The following TACR3 variants were observed in gnomAD, a reference collection of about 807,000 sequenced individuals.
TACR3 encodes the protein neuromedin-K receptor.
In TACR3, 34 loss-of-function variants were observed where a neutral mutation model predicts 35.0. The observed-to-expected ratio is 0.97, with a 90% confidence interval of 0.74 to 1.30. The LOEUF is 1.30. TACR3 is among the 50% of genes most tolerant of loss of function. The probability of loss-of-function intolerance (pLI) is 0.00; values close to 1 mark genes in which losing one functional copy is unlikely to be tolerated. For synonymous variants in TACR3, 233 were observed against 221.1 expected (o/e 1.05, Z -0.48); for missense variants, 558 against 591.7 (o/e 0.94, Z 0.59).
At chr4:103,630,247 C>A (rs1375133772) in intron 3 of TACR3, among the ~76,000 whole-genome samples, 2 of 152,108 alleles carry the variant, frequency 1.3e-5, no homozygotes, top group East Asian at 3.8e-4. Context: ...AGAATAAAAC[C>A]TAGGCAATAC....
chr4:103,638,235 A>T (rs1725244484), intron 3 of TACR3, among the ~76,000 whole-genome samples: 1 of 151,582 alleles, frequency 6.6e-6, no homozygotes, highest in Non-Finnish European at 1.5e-5. Context: ...CTGGTACCAA[A>T]ACAGAGATAT....
chr4:103,662,495 C>G (rs973779228), intron 1 of TACR3, among the ~76,000 whole-genome samples: 1 of 152,188 alleles, frequency 6.6e-6, no homozygotes, highest in Non-Finnish European at 1.5e-5. Flanking sequence ...TCTGGGATTA[C>G]AGGCATGAGC....
chr4:103,643,252 G>C (rs1272856210), intron 3 of TACR3, among the ~76,000 whole-genome samples: 1 of 151,738 alleles, frequency 6.6e-6, no homozygotes, highest in Non-Finnish European at 1.5e-5. Context: ...AGCTACCTGT[G>C]GTTAGTGGCT....
At chr4:103,686,752 G>A (rs569836314) in intron 1 of TACR3, among the ~76,000 whole-genome samples, 5 of 152,214 alleles carry the variant, frequency 3.3e-5, no homozygotes, top group East Asian at 1.9e-4. Flanking sequence ...CCATTAATAC[G>A]TTTAGAGAAC....
intron 3 of TACR3, among the ~76,000 whole-genome samples, chr4:103,597,608 C>A (rs1724065345): frequency 6.6e-6 from 1 of 151,874 alleles, no homozygotes; most frequent in Admixed American, 6.6e-5. Flanking sequence ...TCCCCCGTCC[C>A]CCCACCCCAC....
chr4:103,684,398 A>G (rs939005189), intron 1 of TACR3, among the ~76,000 whole-genome samples: 4 of 152,140 alleles, frequency 2.6e-5, no homozygotes, highest in Admixed American at 6.6e-5. Flanking sequence ...GACAAAATCA[A>G]TGGTATTTTT....
At position 103,700,773 on chromosome 4, in the gene TACR3, C is replaced by T. The variant is rs191633967; in HGVS notation, c.548+18355G>A. 5.1e-3 allele frequency among the ~76,000 whole-genome samples: 771 copies of T among 152,184 alleles called. 7 individuals are homozygous for T. The highest frequency in any genetic ancestry group is 0.017 in the African/African-American group (723 of 41,528). ...ACACAAATCAATAAACATAATCCAGCGTATAAACAGAACCAACGACAAAAA... is the reference window on the plus strand; with the variant it reads ...ACACAAATCAATAAACATAATCCAGTGTATAAACAGAACCAACGACAAAAA... On this transcript the variant is annotated intron_variant, in intron 1 of 4. Transcript: ENST00000304883.
intron 3 of TACR3, among the ~76,000 whole-genome samples, chr4:103,616,877 G>A (rs1483326740): frequency 6.6e-6 from 1 of 152,142 alleles, no homozygotes; most frequent in African/African-American, 2.4e-5. Flanking sequence ...AAGCCCAGGA[G>A]GTCCAGGTTG....
chr4:103,606,771 G>A (rs1173316446), intron 3 of TACR3, among the ~76,000 whole-genome samples: 1 of 152,008 alleles, frequency 6.6e-6, no homozygotes, highest in African/African-American at 2.4e-5. Context: ...CTGCAAACAG[G>A]GACAATTTGA....
At chr4:103,663,643 G>GA (rs1035498854) in intron 1 of TACR3, among the ~76,000 whole-genome samples, 43 of 152,290 alleles carry the variant, frequency 2.8e-4, no homozygotes, top group Admixed American at 2.4e-3. Context: ...GGAAAGTAAA[G>GA]AAATACCAAA....
chr4:103,680,501 A>ACG (rs1722020094), intron 1 of TACR3, among the ~76,000 whole-genome samples: 5 of 147,622 alleles, frequency 3.4e-5, no homozygotes, highest in African/African-American at 1.3e-4. Flanking sequence ...ACATACACAC[A>ACG]CACACACACA....
At chr4:103,702,501 C>T (rs1722676810) in intron 1 of TACR3, among the ~76,000 whole-genome samples, 1 of 152,108 alleles carries the variant, frequency 6.6e-6, no homozygotes, top group African/African-American at 2.4e-5. Flanking sequence ...GGTGATTTCT[C>T]AGGGATCTAG....
rs994724961 is a variant in TACR3, at chr4:103,719,185, A to G, written c.491T>C (p.Phe164Ser). The G allele has an allele frequency of 1.9e-6, 3 of 1,614,186 alleles. No homozygotes were observed. Among genetic ancestry groups the G allele is most frequent in the Non-Finnish European group, 2.5e-6 (3 of 1,180,032 alleles). The stretch of plus-strand genomic sequence containing the variant: ...GCTGGCGAACACAGCTGTGATAGGA[A>G]AGAAGTTCTGGAAGCGGCAGTAGTT... Reference protein sequence around the residue: ...GANYCRFQNFFPITAVFASIY... With the variant: ...GANYCRFQNFSPITAVFASIY... Residue 164 changes from phenylalanine (F) to serine (S), a missense_variant, in exon 1 of 5, where the codon TTT becomes TCT. Transcript: ENST00000304883.
chr4:103,617,859 G>T (rs199870368), intron 3 of TACR3, among the ~76,000 whole-genome samples: 2 of 152,114 alleles, frequency 1.3e-5, no homozygotes, highest in Non-Finnish European at 2.9e-5. Context: ...ATAGAGGAAT[G>T]AACTTAACTA....
chr4:103,612,272 C>G (rs77411594), intron 3 of TACR3, among the ~76,000 whole-genome samples: 4,451 of 152,252 alleles, frequency 0.029, 250 homozygotes, highest in African/African-American at 0.1. Context: ...GTCTTTCTTG[C>G]CTGGAGTGCT....
At chr4:103,705,801 C>T (rs935693486) in intron 1 of TACR3, among the ~76,000 whole-genome samples, 16 of 152,090 alleles carry the variant, frequency 1.1e-4, no homozygotes, top group African/African-American at 3.9e-4. Context: ...CATTTATGAA[C>T]TTGAAAGAGG....
chr4:103,635,893 CATTGT>C (rs1287341177), intron 3 of TACR3, among the ~76,000 whole-genome samples: 4 of 151,854 alleles, frequency 2.6e-5, no homozygotes, highest in Non-Finnish European at 5.9e-5. Context: ...ATTCTCTTTC[CATTGT>C]ATTGTAAACT....
rs1726023780 is a variant in TACR3, at chr4:103,670,054, A to G, written c.549-11651T>C. 2.0e-5 allele frequency among the ~76,000 whole-genome samples: 3 copies of G among 152,086 alleles called. No individual in the cohort carries two copies. The South Asian group carries it at 6.2e-4, about 31-fold the overall frequency. ...CATAATGGATATCCAGTTTCCCTAG[A>G]ACCATTTGTTATATGGTCATTTCTT... On this transcript the variant is annotated intron_variant, in intron 1 of 4. Transcript: ENST00000304883.
intron 1 of TACR3, among the ~76,000 whole-genome samples, chr4:103,693,833 C>A (rs116705542): frequency 6.6e-6 from 1 of 151,844 alleles, no homozygotes; most frequent in Non-Finnish European, 1.5e-5. Context: ...AAAATGAAGA[C>A]CTTAATGATA....
Sources: allele counts gnomAD v4.1 joint callset (sites outside exome capture counted in the v4.1 genomes callset), GRCh38; gene constraint gnomAD v4.1.1; transcripts MANE v1.5; gene names NCBI Gene and HGNC (gene_info 2026-07-23, HGNC 2026-07-21).